ST6GALNAC1: variants seen among roughly 807,000 people sequenced by gnomAD.
ST6GALNAC1 encodes alpha-N-acetylgalactosaminide alpha-2,6-sialyltransferase 1.
Under a neutral mutation model 56.8 loss-of-function variants are expected in ST6GALNAC1, and 45 were observed. The observed-to-expected ratio is 0.79, with a 90% CI of 0.62 to 1.02. ST6GALNAC1 has a LOEUF of 1.02. Among genes scored for constraint, ST6GALNAC1 ranks in the 50% least tolerant of loss-of-function variants. ST6GALNAC1 has a pLI of 0.00. For missense variants in ST6GALNAC1, 743 were observed against 754.8 expected, an observed-to-expected ratio of 0.98 and a Z score of 0.18; for synonymous variants, 295 against 297.8, an observed-to-expected ratio of 0.99 and a Z score of 0.10.
chr17:76,638,497 A>T (rs1265361154), intron 1 of ST6GALNAC1, among the ~76,000 whole-genome samples: 3 of 151,976 alleles, frequency 2.0e-5, no homozygotes. Flanking sequence ...CTGTGATAAA[A>T]GCGATAATAC....
chr17:76,624,399 G>A (rs1350396189), downstream of ST6GALNAC1, among the ~76,000 whole-genome samples: 3 of 151,982 alleles, frequency 2.0e-5, no homozygotes, highest in East Asian at 1.9e-4. Flanking sequence ...ACAGGCGCCC[G>A]CCACCACGCC....
At position 76,625,805 on chromosome 17, in the gene ST6GALNAC1, C is replaced by T; in HGVS notation, c.1605+14G>A. On this transcript the variant is annotated intron_variant, in intron 8 of 8. Coordinates refer to ENST00000156626, the MANE Select transcript of ST6GALNAC1 (RefSeq NM_018414.5). Reference sequence around the variant, plus strand: ...GTTTCTCCAGGTATTTCTGCAGCTGCAGTGGAGCCTTACCTGGTCACAGAG... The same window carrying T: ...GTTTCTCCAGGTATTTCTGCAGCTGTAGTGGAGCCTTACCTGGTCACAGAG... 1 of 1,518,688 alleles carries T rather than the reference C, an allele frequency of 6.6e-7. No homozygotes were observed. Among genetic ancestry groups the T allele is most frequent in the Non-Finnish European group, 8.8e-7 (1 of 1,135,424 alleles). The allele number at this position is 1,518,688 out of a possible 1,614,324, so 94.1% of individuals were successfully genotyped here.
At chr17:76,641,760 A>T (rs1309743202) in intron 1 of ST6GALNAC1, 3 of 152,170 alleles carry the variant, frequency 2.0e-5, no homozygotes, top group Non-Finnish European at 4.4e-5. Context: ...AAGTGCTCAA[A>T]GGTATGTGAG....
chr17:76,633,531 A>T (rs1459234314), intron 1 of ST6GALNAC1: 2 of 152,206 alleles, frequency 1.3e-5, no homozygotes, highest in Non-Finnish European at 2.9e-5. Context: ...AATAATTAAA[A>T]ATCAATCAAT....
intron 1 of ST6GALNAC1, among the ~76,000 whole-genome samples, chr17:76,634,210 A>G (rs1469967588): frequency 1.3e-5 from 2 of 152,186 alleles, no homozygotes; most frequent in African/African-American, 4.8e-5. Context: ...TACGTCCTTA[A>G]GTCCTGGGCT....
At chr17:76,625,646 T>C in intron 8 of ST6GALNAC1, 119 bp from the exon 9 acceptor site, 1 of 1,270,194 alleles carries the variant, frequency 7.9e-7, no homozygotes, top group Non-Finnish European at 1.1e-6. Context: ...CCTAGGGGTC[T>C]GGGTGCAGGT....
At chr17:76,617,409 A>C in the ST6GALNAC1 span, among the ~76,000 whole-genome samples, 6 of 152,128 alleles carry the variant, frequency 3.9e-5, no homozygotes, top group Admixed American at 6.5e-5. Flanking sequence ...ACACGTCCAT[A>C]TGTCCACAAA....
At chr17:76,624,130 T>C (rs1411774767), downstream of ST6GALNAC1, among the ~76,000 whole-genome samples, 1 of 152,196 alleles carries the variant, frequency 6.6e-6, no homozygotes, top group Non-Finnish European at 1.5e-5. Flanking sequence ...CCCTGTCCCA[T>C]TGGTCCCCTC....
At chr17:76,631,209 G>A (rs1319983196) in intron 1 of ST6GALNAC1, among the ~76,000 whole-genome samples, 2 of 149,776 alleles carry the variant, frequency 1.3e-5, no homozygotes, top group Non-Finnish European at 3.0e-5. Context: ...CTCCCAGAAT[G>A]TTGGTATTAA....
intron 2 of ST6GALNAC1, 122 bp downstream of exon 2, chr17:76,628,890 G>A: frequency 2.2e-6 from 2 of 905,414 alleles, no homozygotes; most frequent in Non-Finnish European, 3.4e-6. Flanking sequence ...ATGAGCTTGG[G>A]GCAGGACAAG....
At chr17:76,639,406 T>C (rs1484789619) in intron 1 of ST6GALNAC1, among the ~76,000 whole-genome samples, 1 of 151,790 alleles carries the variant, frequency 6.6e-6, no homozygotes, top group Non-Finnish European at 1.5e-5. Flanking sequence ...CAAAACCCTG[T>C]CTCCACTAAA....
chr17:76,632,734 C>A (rs551993178), intron 1 of ST6GALNAC1, among the ~76,000 whole-genome samples: 2 of 152,118 alleles, frequency 1.3e-5, no homozygotes, highest in African/African-American at 4.8e-5. Context: ...GCGTTCGGCC[C>A]TGTGTGGTCC....
intron 1 of ST6GALNAC1, among the ~76,000 whole-genome samples, chr17:76,636,962 A>G (rs1382917627): frequency 2.3e-3 from 341 of 149,512 alleles, no homozygotes; most frequent in Middle Eastern, 7.0e-3. Flanking sequence ...TTGATCTATG[A>G]CCTTACCCCC....
chr17:76,622,446 C>T (rs1381639931), downstream of ST6GALNAC1, among the ~76,000 whole-genome samples: 1 of 152,050 alleles, frequency 6.6e-6, no homozygotes, highest in Non-Finnish European at 1.5e-5. Flanking sequence ...CTCACTGCAA[C>T]CTCGGCTTCC....
rs1027009079 is a variant in ST6GALNAC1, at chr17:76,627,355, C to T, written c.1000+60G>A. The stretch of plus-strand genomic sequence containing the variant: ...AGAGGCAGACCAGAAAGCCAGCTGC[C>T]CTCTGCCCTCTGCCCCGGCCTACTG... On this transcript the variant is annotated intron_variant, in intron 3 of 8. Transcript: ENST00000156626. This position sits in a 1 kb window ranked among gnomAD's most constrained non-coding sequence, Gnocchi z 4.4. 12 of 1,598,006 alleles carry T rather than the reference C, an allele frequency of 7.5e-6. No homozygotes were observed. The highest frequency in any genetic ancestry group is 7.7e-6 in the Non-Finnish European group (9 of 1,171,126).
chr17:76,639,967 G>T (rs2076027751), intron 1 of ST6GALNAC1, among the ~76,000 whole-genome samples: 1 of 152,022 alleles, frequency 6.6e-6, no homozygotes, highest in Non-Finnish European at 1.5e-5. Context: ...CTGCCCTGAG[G>T]TTCTTTCGGC....
At chr17:76,638,501 A>G (rs1475360915) in intron 1 of ST6GALNAC1, among the ~76,000 whole-genome samples, 1 of 151,804 alleles carries the variant, frequency 6.6e-6, no homozygotes, top group Non-Finnish European at 1.5e-5. Flanking sequence ...GATAAAAGCG[A>G]TAATACTCAG....
At chr17:76,631,657 G>A (rs2143450775) in intron 1 of ST6GALNAC1, among the ~76,000 whole-genome samples, 1 of 152,136 alleles carries the variant, frequency 6.6e-6, no homozygotes, top group South Asian at 2.1e-4. Context: ...CCACAGGCTG[G>A]TGGAAGATGG....
intron 1 of ST6GALNAC1, among the ~76,000 whole-genome samples, chr17:76,639,856 T>C (rs1223908437): frequency 6.6e-6 from 1 of 151,832 alleles, no homozygotes; most frequent in East Asian, 1.9e-4. Flanking sequence ...GTAAAAATCA[T>C]AGGCACTGAG....
Sources: allele counts gnomAD v4.1 joint callset (sites outside exome capture counted in the v4.1 genomes callset), GRCh38; gene constraint gnomAD v4.1.1; non-coding constraint Gnocchi (gnomAD v3.1); transcripts MANE v1.5; gene names NCBI Gene and HGNC (gene_info 2026-07-23, HGNC 2026-07-21).